The following SEC16A variants were observed in gnomAD, a reference collection of about 807,000 sequenced individuals.
SEC16A encodes the protein SEC16 homolog A, endoplasmic reticulum export factor, also known as protein transport protein Sec16A.
In SEC16A, 110 loss-of-function variants were observed where a neutral mutation model predicts 221.9. The observed-to-expected ratio is 0.50, with a 90% CI of 0.42 to 0.58. The LOEUF (loss-of-function observed/expected upper bound fraction) is 0.58. SEC16A is among the 20% of genes least tolerant of loss of function. The pLI is 0.00. For synonymous variants in SEC16A, 1,393 were observed against 1,257.7 expected (o/e 1.11, Z -2.28); for missense variants, 3,165 against 3,097.8 (o/e 1.02, Z -0.52).
At chr9:136,464,396 C>T (rs1332645143) in intron 9 of SEC16A, 24 bp downstream of exon 9, 1 of 1,582,916 alleles carries the variant, frequency 6.3e-7, no homozygotes, top group Admixed American at 1.7e-5. Flanking sequence ...AGCAGTGACG[C>T]CACGCTTCTG....
At chr9:136,471,673 G>T (rs912487865) in intron 4 of SEC16A, among the ~76,000 whole-genome samples, 2 of 152,234 alleles carry the variant, frequency 1.3e-5, no homozygotes, top group African/African-American at 4.8e-5. Flanking sequence ...GTCAAGAGGG[G>T]CTCACAGACA....
At chr9:136,461,598 C>T (rs548344668) in intron 12 of SEC16A, among the ~76,000 whole-genome samples, 2 of 152,300 alleles carry the variant, frequency 1.3e-5, no homozygotes, top group East Asian at 1.9e-4. Flanking sequence ...GAAACACGCT[C>T]GAGTCAACTC....
At chr9:136,483,441 GCCCCGCCCCTCGGCCGTCCTT>G (rs1842672067), upstream of SEC16A, 1 of 669,232 alleles carries the variant, frequency 1.5e-6, no homozygotes, top group South Asian at 6.7e-5. Context: ...CGCCCCTTTG[GCCCCGCCCCTCGGCCGTCCTT>G]CCCCGCCCGT....
intron 19 of SEC16A, 47 bp from the exon 20 acceptor site, chr9:136,455,840 C>G (rs1476109444): frequency 6.6e-7 from 1 of 1,515,144 alleles, no homozygotes; most frequent in South Asian, 1.3e-5. Flanking sequence ...TGTGGCCGCT[C>G]TGCAGCGCTG....
upstream of SEC16A, chr9:136,483,922 G>A (rs1165714367): frequency 2.4e-6 from 1 of 417,180 alleles, no homozygotes; most frequent in South Asian, 1.0e-4. Context: ...GTTGGTCGAT[G>A]GCTGCCGCCA....
At chr9:136,451,226 G>A (rs538949138) in intron 23 of SEC16A, 30 bp downstream of exon 23, 46 of 1,599,044 alleles carry the variant, frequency 2.9e-5, no homozygotes, top group African/African-American at 4.0e-5. Context: ...CCTCCCGGCC[G>A]CCAGGCGCAC....
upstream of SEC16A, chr9:136,483,608 C>T (rs1371570391): frequency 1.0e-6 from 1 of 985,252 alleles, no homozygotes; most frequent in East Asian, 1.1e-4. Flanking sequence ...AGTCTTTTTT[C>T]GTTTTAAGAT....
In SEC16A at chr9:136,466,274, T is replaced by C. The variant is rs914088060; in HGVS notation, c.4118A>G (p.His1373Arg). 4 of 1,580,296 alleles carry C rather than the reference T, an allele frequency of 2.5e-6. No individual in the cohort carries two copies. The highest frequency in any genetic ancestry group is 1.3e-5 in the African/African-American group (1 of 74,232). ...GGCGCCGCCGCGTACCTGGTGCGAG[T>C]GGGAGCTGAGGCTGCTGCGGCGGCT... is the stretch of plus-strand genomic sequence containing the variant. The part of the protein sequence containing the change: ...LASRRSSLSS[H>R]SHQSQIYRSH... The change falls in exon 7 of 32, where the codon CAC becomes CGC. Residue 1373 changes from histidine (H) to arginine (R), a missense_variant. His to Arg is a conservative substitution (Grantham distance 29). Transcript: ENST00000684901. This position sits in a 1 kb window ranked among gnomAD's most constrained non-coding sequence, Gnocchi z 5.5.
At position 136,475,622 on chromosome 9, in the gene SEC16A, T is replaced by G. The variant is rs773548525; in HGVS notation, c.1994A>C (p.Asn665Thr). ...CTGGGGTGCACAGAGGGTCTCCATG[T>G]TGTCTGGTGGCTGCTCCAGGTTGCC... is the stretch of plus-strand genomic sequence containing the variant. ...SPGNLEQPPD[N>T]METLCAPQVC... Residue 665 changes from asparagine to threonine, a missense_variant, in exon 3 of 32, where the codon AAC (asparagine) becomes ACC (threonine). Asn to Thr is a moderately conservative substitution (Grantham distance 65). Coordinates refer to ENST00000684901, the MANE Select transcript of SEC16A (RefSeq NM_014866.2). This position sits in a 1 kb window ranked among gnomAD's most constrained non-coding sequence, Gnocchi z 5.0. 1.2e-6 allele frequency: 2 copies of G among 1,613,702 alleles called. No homozygotes were observed. The highest frequency in any genetic ancestry group is 2.2e-5 in the South Asian group (2 of 91,032).
chr9:136,445,078 G>A lies in SEC16A; in HGVS notation c.6901C>T (p.Arg2301Cys), dbSNP rs370453872. 14 of 1,607,508 alleles carry A rather than the reference G, an allele frequency of 8.7e-6. No homozygotes were observed. Among genetic ancestry groups the A allele is most frequent in the African/African-American group, 5.3e-5 (4 of 74,836 alleles). ...SRCSSMSSLS[R>C]EVSQHFNQAP... ...TGATTAAAATGCTGGCTCACTTCAC[G>A]TGATAATGAACTCATTGAACTACAG... The change falls in exon 30 of 32, where the codon CGT (arginine) becomes TGT (cysteine). Residue 2301 changes from arginine to cysteine, a missense_variant. By Grantham distance (180) the Arg-to-Cys change is radical (BLOSUM62 -3). This residue lies in a region of SEC16A where 1,088 missense variants were observed against 1,089.6 expected (regional missense o/e 1.00). Coordinates refer to ENST00000684901, the MANE Select transcript of SEC16A (RefSeq NM_014866.2).
At chr9:136,465,090 T>C (rs1839974700) in intron 8 of SEC16A, among the ~76,000 whole-genome samples, 2 of 152,216 alleles carry the variant, frequency 1.3e-5, no homozygotes, top group Admixed American at 1.3e-4. Context: ...CACTCCAGCC[T>C]GGGTGACAGA....
At chr9:136,480,929 T>C (rs1275584327) in intron 1 of SEC16A, among the ~76,000 whole-genome samples, 1 of 151,874 alleles carries the variant, frequency 6.6e-6, no homozygotes, top group Admixed American at 6.6e-5. Flanking sequence ...GACTAAGAGC[T>C]TTTTTATGGC....
Position 136,477,236 on chromosome 9 carries a change from G to A in SEC16A, c.380C>T (p.Ala127Val), listed in dbSNP as rs769480501. 174 of 1,613,928 alleles carry A rather than the reference G, an allele frequency of 1.1e-4. 2 individuals are homozygous for A. In the East Asian group the frequency reaches 3.8e-3, roughly 36 times the overall value. ...CCCAGGAGGTGCTGAAGGTGTCAATGCACCAGAAAACGGACTGGCATGTGC... is the reference window on the plus strand; with the variant it reads ...CCCAGGAGGTGCTGAAGGTGTCAATACACCAGAAAACGGACTGGCATGTGC... ...PRAHASPFSG[A>V]LTPSAPPGPE... The change falls in exon 3 of 32, where the codon GCA becomes GTA. Residue 127 changes from alanine (A) to valine (V), a missense_variant. By Grantham distance (64) the Ala-to-Val change is moderately conservative (BLOSUM62 0). Coordinates refer to ENST00000684901, the MANE Select transcript of SEC16A (RefSeq NM_014866.2).
At chr9:136,470,482 G>A (rs546592573) in intron 4 of SEC16A, among the ~76,000 whole-genome samples, 27 of 152,322 alleles carry the variant, frequency 1.8e-4, no homozygotes, top group African/African-American at 4.8e-4. Flanking sequence ...ACCCTCACCC[G>A]GAGCTGGAAG....
chr9:136,456,237 C>T (rs1253335567), intron 18 of SEC16A, 71 bp from the exon 19 acceptor site: 3 of 1,125,296 alleles, frequency 2.7e-6, no homozygotes, highest in Admixed American at 1.9e-5. Context: ...TTCAAAATGC[C>T]GGGCAATGCA....
intron 2 of SEC16A, among the ~76,000 whole-genome samples, 171 bp downstream of exon 2, chr9:136,478,538 T>C (rs910169274): frequency 3.9e-5 from 6 of 152,204 alleles, no homozygotes; most frequent in Non-Finnish European, 7.3e-5. Context: ...AGTATAGTTA[T>C]AAAAGCTGCA....
intron 11 of SEC16A, 22 bp from the exon 12 acceptor site, chr9:136,463,154 G>C: frequency 6.2e-7 from 1 of 1,605,184 alleles, no homozygotes; most frequent in Admixed American, 1.7e-5. Context: ...AACAGGAACA[G>C]GAAGGAGAAC....
At chr9:136,460,171 G>A in intron 13 of SEC16A, 48 bp from the exon 14 acceptor site, 1 of 1,491,156 alleles carries the variant, frequency 6.7e-7, no homozygotes, top group Non-Finnish European at 9.2e-7. Flanking sequence ...TCAGCTAAAA[G>A]AAAAAAGCCG....
At chr9:136,482,824 TG>T in intron 1 of SEC16A, 113 bp downstream of exon 1, 2 of 259,096 alleles carry the variant, frequency 7.7e-6, no homozygotes, top group Non-Finnish European at 1.2e-5. Context: ...CGCTCGGGGC[TG>T]GGCCCAGCCG....
Sources: gnomAD v4.1 joint callset for allele counts (sites outside exome capture counted in the v4.1 genomes callset) on GRCh38, gnomAD v4.1.1 for gene constraint, gnomAD v4.1.1 regional missense constraint, Gnocchi (gnomAD v3.1) non-coding constraint, MANE v1.5 for transcripts, NCBI Gene and HGNC (gene_info 2026-07-23, HGNC 2026-07-21) for gene names.